The following DPH6 variants were observed in gnomAD, a reference collection of about 807,000 sequenced individuals.
The protein encoded by DPH6 is diphthine--ammonia ligase.
DPH6 carries 33 observed loss-of-function variants against 38.2 expected under a neutral mutation model. That is an observed-to-expected ratio of 0.86 (90% CI 0.65 to 1.15). DPH6 has a LOEUF of 1.15. Ranked by LOEUF, DPH6 falls within the 50% of genes most tolerant of loss-of-function variation. The probability of loss-of-function intolerance (pLI) is 0.00; values close to 1 mark genes in which losing one functional copy is unlikely to be tolerated. For synonymous variants in DPH6, 108 were observed against 103.0 expected, an observed-to-expected ratio of 1.05 and a Z score of -0.30; for missense variants, 325 against 320.0, an observed-to-expected ratio of 1.02 and a Z score of -0.12.
chr15:35,404,879 TC>T (rs2053270839), intron 6 of DPH6, among the ~76,000 whole-genome samples: 1 of 152,158 alleles, frequency 6.6e-6, no homozygotes, highest in African/African-American at 2.4e-5. Context: ...AAGTCTTTAA[TC>T]CATTTTGATT....
At chr15:35,353,031 GTGA>G (rs1343178626) in intron 3 of DPH6, among the ~76,000 whole-genome samples, 2 of 152,218 alleles carry the variant, frequency 1.3e-5, no homozygotes, top group African/African-American at 4.8e-5. Flanking sequence ...CTGATGGCCA[GTGA>G]TGATGAGAAA....
intron 3 of DPH6, among the ~76,000 whole-genome samples, chr15:35,474,375 AAG>A (rs1157817263): frequency 6.6e-6 from 1 of 152,150 alleles, no homozygotes; most frequent in African/African-American, 2.4e-5. Flanking sequence ...AATTACACAA[AAG>A]AGAAACAAAT....
chr15:35,183,810 T>C, the DPH6 span, among the ~76,000 whole-genome samples: 2 of 152,200 alleles, frequency 1.3e-5, no homozygotes, highest in African/African-American at 4.8e-5. Context: ...TTCCTTCATA[T>C]ACAATGTTAA....
chr15:35,481,283 C>T (rs1006082419), intron 3 of DPH6, among the ~76,000 whole-genome samples: 2 of 152,132 alleles, frequency 1.3e-5, no homozygotes, highest in Admixed American at 6.6e-5. Flanking sequence ...CAACACATTG[C>T]CCTGCACTGT....
intron 1 of DPH6, among the ~76,000 whole-genome samples, chr15:35,543,895 G>A (rs964321309): frequency 1.3e-5 from 2 of 152,218 alleles, no homozygotes; most frequent in African/African-American, 4.8e-5. Context: ...ACTGAAGGGT[G>A]TGCATCCAGA....
At chr15:35,300,014 C>T (rs1443250668) in intron 3 of DPH6, among the ~76,000 whole-genome samples, 1 of 152,094 alleles carries the variant, frequency 6.6e-6, no homozygotes, top group Non-Finnish European at 1.5e-5. Context: ...GGATGAGTGA[C>T]GATGGGCGCT....
intron 5 of DPH6, among the ~76,000 whole-genome samples, chr15:35,435,753 G>A (rs2053690716): frequency 6.6e-6 from 1 of 152,072 alleles, no homozygotes; most frequent in South Asian, 2.1e-4. Flanking sequence ...CATCATTTTG[G>A]TGGTCCATAC....
intron 3 of DPH6, among the ~76,000 whole-genome samples, chr15:35,468,219 C>A (rs945515717): frequency 6.6e-6 from 1 of 152,136 alleles, no homozygotes; most frequent in Non-Finnish European, 1.5e-5. Context: ...ATCATGGTAA[C>A]GATCCTTCAA....
Position 35,293,148 on chromosome 15 carries a change from C to T in DPH6, n.201-72566G>A, listed in dbSNP as rs72625180. 0.03 allele frequency among the ~76,000 whole-genome samples: 4,602 copies of T among 152,208 alleles called. 341 individuals are homozygous for T. In the East Asian group the frequency reaches 0.32, roughly 11 times the overall value. On this transcript the variant is annotated intron_variant and non_coding_transcript_variant, in intron 3 of 3. Transcript: ENST00000560386. ...GAAATTCACTATAGAATTTGCTATTCTGACTAAGGCAGCTTTCTGTGTAAT... is the reference window on the plus strand; with the variant it reads ...GAAATTCACTATAGAATTTGCTATTTTGACTAAGGCAGCTTTCTGTGTAAT...
At chr15:35,290,289 G>A (rs908164948) in intron 3 of DPH6, among the ~76,000 whole-genome samples, 4 of 152,136 alleles carry the variant, frequency 2.6e-5, no homozygotes, top group Admixed American at 2.0e-4. Flanking sequence ...TACTTCCAGC[G>A]AGACCCAATC....
intron 3 of DPH6, chr15:35,518,895 A>G (rs187989598): frequency 6.6e-6 from 1 of 152,104 alleles, no homozygotes; most frequent in Non-Finnish European, 1.5e-5. Context: ...ACATCAAAGG[A>G]TAAGGTGTTT....
At chr15:35,182,690 T>A in the DPH6 span, among the ~76,000 whole-genome samples, 44 of 152,352 alleles carry the variant, frequency 2.9e-4, no homozygotes, top group East Asian at 8.3e-3. Flanking sequence ...AATGATATTA[T>A]TTCATTGTGA....
chr15:35,479,501 C>T (rs1289111072), intron 3 of DPH6, among the ~76,000 whole-genome samples: 1 of 152,116 alleles, frequency 6.6e-6, no homozygotes, highest in African/African-American at 2.4e-5. Context: ...AAGAATCCAT[C>T]AAGCACTAAC....
At chr15:35,460,848 C>G (rs1256933513) in intron 3 of DPH6, among the ~76,000 whole-genome samples, 1 of 119,594 alleles carries the variant, frequency 8.4e-6, no homozygotes, top group African/African-American at 3.1e-5. Flanking sequence ...CCTATGTCGA[C>G]AATTTTAACA....
Position 35,334,037 on chromosome 15 carries a change from C to T in DPH6, n.208-2960G>A, listed in dbSNP as rs144103238. ...TAACATAGGAACAGAAAACCAAACACGGATCTAAATACTCTTAAGGATCTA... is the reference window on the plus strand; with the variant it reads ...TAACATAGGAACAGAAAACCAAACATGGATCTAAATACTCTTAAGGATCTA... On this transcript the variant is annotated intron_variant and non_coding_transcript_variant, in intron 3 of 3. Coordinates refer to the DPH6 transcript ENST00000558973. Among the ~76,000 whole-genome samples the T allele has an allele frequency of 7.5e-4, 114 of 152,192 alleles. 2 individuals carry two copies. In the East Asian group the frequency reaches 0.011, roughly 15 times the overall value.
chr15:35,389,142 T>A (rs923940522), intron 6 of DPH6, among the ~76,000 whole-genome samples: 1 of 152,220 alleles, frequency 6.6e-6, no homozygotes, highest in African/African-American at 2.4e-5. Flanking sequence ...TCCATGTAGT[T>A]GAGCGGTTTT....
At chr15:35,477,682 T>C (rs2054278707) in intron 3 of DPH6, among the ~76,000 whole-genome samples, 1 of 151,898 alleles carries the variant, frequency 6.6e-6, no homozygotes. Context: ...TCATTTTCTA[T>C]CTCTAAAATG....
At chr15:35,272,242 G>A (rs1258842678) in intron 3 of DPH6, among the ~76,000 whole-genome samples, 4 of 152,106 alleles carry the variant, frequency 2.6e-5, no homozygotes, top group African/African-American at 9.7e-5. Flanking sequence ...GTATACAAGA[G>A]GATGTATATA....
intron 3 of DPH6, among the ~76,000 whole-genome samples, chr15:35,537,023 T>C (rs1337567761): frequency 6.6e-6 from 1 of 152,032 alleles, no homozygotes; most frequent in Non-Finnish European, 1.5e-5. Flanking sequence ...ACTCTAAGGG[T>C]TTTTCTTATC....
Sources: allele counts gnomAD v4.1 joint callset (sites outside exome capture counted in the v4.1 genomes callset), GRCh38; gene constraint gnomAD v4.1.1; transcripts MANE v1.5; gene names NCBI Gene and HGNC (gene_info 2026-07-23, HGNC 2026-07-21).